The following CELF3 variants were observed in gnomAD, a reference collection of about 807,000 sequenced individuals.
The protein encoded by CELF3 is CUGBP Elav-like family member 3, also known as CAG repeat domain.
CELF3 carries 26 observed loss-of-function variants against 59.6 expected under a neutral mutation model. The ratio of observed to expected loss-of-function variants is 0.44; its 90% confidence interval spans 0.32 to 0.61. CELF3 has a LOEUF of 0.61. Among genes scored for constraint, CELF3 ranks in the 20% least tolerant of loss-of-function variants. The probability of loss-of-function intolerance (pLI) is 0.06; values close to 1 mark genes in which losing one functional copy is unlikely to be tolerated. For missense variants in CELF3, 387 were observed against 627.2 expected (o/e 0.62, Z 4.09); for synonymous variants, 245 against 250.7 (o/e 0.98, Z 0.22).
In CELF3 at chr1:151,702,794, C is replaced by CTG. The variant is rs1672178788; in HGVS notation, c.*663_*664dup. 1 of 196,910 alleles carries CTG rather than the reference C, an allele frequency of 5.1e-6. No homozygotes were observed. Among genetic ancestry groups the CTG allele is most frequent in the Non-Finnish European group, 1.1e-5 (1 of 93,298 alleles). 12.2% of individuals were successfully genotyped at this position (196,910 alleles called of 1,614,324 possible). ...TTTACACAGAGGGAACCAGCAGAGA[C>CTG]TGTAAACATTTTTAGGGGTTCAGGG... On this transcript the variant is annotated 3_prime_UTR_variant, in exon 13 of 13. Transcript: ENST00000290583.
At position 151,714,956 on chromosome 1, in the gene CELF3, A is replaced by C. The variant is rs74632301; in HGVS notation, c.146-280T>G. On this transcript the variant is annotated intron_variant, in intron 1 of 12. Coordinates refer to ENST00000290583, the MANE Select transcript of CELF3 (RefSeq NM_007185.7). The stretch of plus-strand genomic sequence containing the variant: ...GAGAGAAGGACCATGTGACCGCCAG[A>C]CAAGTAAGAGTAGTGTGGCTTTCTC... 3.4e-4 allele frequency among the ~76,000 whole-genome samples: 52 copies of C among 151,910 alleles called. No individual in the cohort carries two copies. The East Asian group carries it at 8.2e-3, about 24-fold the overall frequency.
intron 12 of CELF3, 126 bp downstream of exon 12, chr1:151,704,905 G>A: frequency 9.5e-7 from 1 of 1,049,980 alleles, no homozygotes; most frequent in Non-Finnish European, 1.4e-6. Context: ...CAAGTGCCCA[G>A]GGTCAAGGGT....
rs907737857 is a variant in CELF3 at position 151,702,151 on chromosome 1, C to G, written c.*1308G>C. Among the ~76,000 whole-genome samples the G allele has an allele frequency of 1.3e-5, 2 of 152,206 alleles. No homozygotes were observed. The highest frequency in any genetic ancestry group is 2.9e-5 in the Non-Finnish European group (2 of 68,030). On this transcript the variant is annotated 3_prime_UTR_variant, in exon 13 of 13. Transcript: ENST00000290583. Reference sequence around the variant, plus strand: ...GCCTTCAGAGGGACAGAGCTGGATACAGGGGAGAGCCCCCGACAGGGGAGA... The same window carrying G: ...GCCTTCAGAGGGACAGAGCTGGATAGAGGGGAGAGCCCCCGACAGGGGAGA...
In CELF3 at chr1:151,709,761, C is replaced by G; in HGVS notation, c.259G>C (p.Asp87His). 6.2e-7 allele frequency: 1 copy of G among 1,614,146 alleles called. No individual in the cohort carries two copies. The highest frequency in any genetic ancestry group is 1.1e-5 in the South Asian group (1 of 91,078). ...AACCTACCTCCTCGGCTCTCGCTGT[C>G]GGCTGGCTTGACCTGGATCGGCCTG... The part of the protein sequence containing the change: ...MNRPIQVKPA[D>H]SESRGEDRKL... The change falls in exon 3 of 13, where the codon GAC becomes CAC. Residue 87 changes from aspartate (D) to histidine (H), a missense_variant. By Grantham distance (81) the Asp-to-His change is moderately conservative. This residue lies in a region of CELF3 where 208 missense variants were observed against 354.8 expected (regional missense o/e 0.59). Coordinates refer to ENST00000290583, the MANE Select transcript of CELF3 (RefSeq NM_007185.7). This position sits in a 1 kb window ranked among gnomAD's most constrained non-coding sequence, Gnocchi z 4.9.
Position 151,709,518 on chromosome 1 carries a change from T to G in CELF3, c.278-170A>C. The G allele has an allele frequency of 6.7e-6, 7 of 1,050,850 alleles. No homozygotes were observed. The highest frequency in any genetic ancestry group is 9.9e-6 in the Non-Finnish European group (7 of 708,240). 65.1% of individuals were successfully genotyped at this position (1,050,850 alleles called of 1,614,324 possible). On this transcript the variant is annotated intron_variant, in intron 3 of 12. Transcript: ENST00000290583. This position sits in a 1 kb window ranked among gnomAD's most constrained non-coding sequence, Gnocchi z 4.9. ...GGGGTATAGTTGCAGAGGGTGCTCATCCCAGCTCTGAGGGACTCGCACTCC... is the reference window on the plus strand; with the variant it reads ...GGGGTATAGTTGCAGAGGGTGCTCAGCCCAGCTCTGAGGGACTCGCACTCC...
chr1:151,713,307 G>C (rs1673184602), intron 2 of CELF3, among the ~76,000 whole-genome samples: 1 of 152,182 alleles, frequency 6.6e-6, no homozygotes, highest in Admixed American at 6.5e-5. Context: ...AGCTCTGCCT[G>C]AGCTGCCAGG....
At position 151,703,075 on chromosome 1, in the gene CELF3, C is replaced by T. The variant is rs1305097607; in HGVS notation, c.*384G>A. On this transcript the variant is annotated 3_prime_UTR_variant, in exon 13 of 13. Transcript: ENST00000290583. The stretch of plus-strand genomic sequence containing the variant: ...GCTGGGAGTGTGTGGCAGGCCCCTG[C>T]GGCTCTCCTGGGGCCTGCACGGGTA... 9 of 428,664 alleles carry T rather than the reference C, an allele frequency of 2.1e-5. No individual in the cohort carries two copies. The highest frequency in any genetic ancestry group is 8.1e-5 in the African/African-American group (4 of 49,232). 26.6% of individuals were successfully genotyped at this position (428,664 alleles called of 1,614,324 possible).
Position 151,702,811 on chromosome 1 carries a change from G to T in CELF3, c.*648C>A. On this transcript the variant is annotated 3_prime_UTR_variant, in exon 13 of 13. Transcript: ENST00000290583. ...AGCAGAGACTGTAAACATTTTTAGGGGTTCAGGGGAAGGTCTTTTCCTCGT... is the reference window on the plus strand; with the variant it reads ...AGCAGAGACTGTAAACATTTTTAGGTGTTCAGGGGAAGGTCTTTTCCTCGT... 4.9e-6 allele frequency: 1 copy of T among 203,328 alleles called. No homozygotes were observed. Among genetic ancestry groups the T allele is most frequent in the Non-Finnish European group, 1.0e-5 (1 of 96,916 alleles). The allele number at this position is 203,328 out of a possible 1,614,324, so 12.6% of individuals were successfully genotyped here.
chr1:151,714,638 G>A lies in CELF3; in HGVS notation c.184C>T (p.Leu62=). 1 of 1,562,292 alleles carries A rather than the reference G, an allele frequency of 6.4e-7. No homozygotes were observed. ...TCGTGCAGGGCGCTCTGGGCCTTCA[G>A]GGCTGAATCCCGGGCACAGTATGTC... ...FLTYCARDSA[L]KAQSALHEQK... is the part of the protein sequence containing the mutation. Residue 62 remains leucine (L), a synonymous_variant, in exon 2 of 13, where the codon CTG becomes TTG. Transcript: ENST00000290583.
rs776792312 is a variant in CELF3, at chr1:151,709,094, G to A, written c.407-17C>T. 6.2e-7 allele frequency: 1 copy of A among 1,612,990 alleles called. No individual in the cohort carries two copies. The highest frequency in any genetic ancestry group is 8.5e-7 in the Non-Finnish European group (1 of 1,179,226). ...AGGCGCAGCCTGGAGAGGTTGAGAT[G>A]GAGGAGGAGAGGGGTAAGCACCCAT... On this transcript the variant is annotated splice_polypyrimidine_tract_variant and intron_variant, in intron 4 of 12. Coordinates refer to ENST00000290583, the MANE Select transcript of CELF3 (RefSeq NM_007185.7). This position sits in a 1 kb window ranked among gnomAD's most constrained non-coding sequence, Gnocchi z 4.9.
At chr1:151,704,040 C>G (rs949341391) in intron 12 of CELF3, among the ~76,000 whole-genome samples, 1 of 152,192 alleles carries the variant, frequency 6.6e-6, no homozygotes, top group African/African-American at 2.4e-5. Context: ...CGGCCCTGAC[C>G]TTGGGCTTGG....
At chr1:151,706,524 A>T in intron 9 of CELF3, 145 bp downstream of exon 9, 1 of 1,176,974 alleles carries the variant, frequency 8.5e-7, no homozygotes, top group Non-Finnish European at 1.2e-6. Flanking sequence ...CTGCCCTTAA[A>T]GACCCCTCCC....
rs1463648271 is a variant in CELF3, at chr1:151,702,202, C to T, written c.*1257G>A. On this transcript the variant is annotated 3_prime_UTR_variant, in exon 13 of 13. Transcript: ENST00000290583. ...TCTCCTTGTGCCGAACTCTGCAGGA[C>T]ATTCCAGAATTAAGCCCCAAAGAAG... Among the ~76,000 whole-genome samples the T allele has an allele frequency of 2.0e-5, 3 of 152,204 alleles. No individual in the cohort carries two copies. Among genetic ancestry groups the T allele is most frequent in the Non-Finnish European group, 2.9e-5 (2 of 68,036 alleles).
intron 1 of CELF3, among the ~76,000 whole-genome samples, chr1:151,715,216 T>A (rs1673375477): frequency 6.6e-6 from 1 of 151,866 alleles, no homozygotes; most frequent in Non-Finnish European, 1.5e-5. Flanking sequence ...GCCCCTGGGA[T>A]CCCCGGTGTG....
chr1:151,713,337 C>A (rs1673186865), intron 2 of CELF3: 1 of 152,212 alleles, frequency 6.6e-6, no homozygotes, highest in Admixed American at 6.5e-5. Flanking sequence ...GGGCACAGAC[C>A]TAGGGTGGAC....
intron 12 of CELF3, among the ~76,000 whole-genome samples, chr1:151,704,000 G>C (rs1208312741): frequency 6.6e-6 from 1 of 152,184 alleles, no homozygotes; most frequent in Non-Finnish European, 1.5e-5. Flanking sequence ...ACCAACCACT[G>C]TAGACCAAGC....
rs1672697395 is a variant in CELF3, at chr1:151,707,798, G to C, written c.624C>G (p.Thr208=). 1 of 1,612,900 alleles carries C rather than the reference G, an allele frequency of 6.2e-7. No homozygotes were observed. Among genetic ancestry groups the C allele is most frequent in the Non-Finnish European group, 8.5e-7 (1 of 1,179,234 alleles). ...ALQFGAYSAY[T]QALMQQQAAL... Reference sequence around the variant, plus strand: ...CATCAGGGGCAGTGCTCACGGCCTGGGTGTAGGCGCTGTAGGCTCCAAACT... The same window carrying C: ...CATCAGGGGCAGTGCTCACGGCCTGCGTGTAGGCGCTGTAGGCTCCAAACT... Residue 208 remains threonine, a synonymous_variant, in exon 6 of 13, where the codon ACC becomes ACG. Coordinates refer to ENST00000290583, the MANE Select transcript of CELF3 (RefSeq NM_007185.7).
chr1:151,707,750 G>A lies in CELF3; in HGVS notation c.630+42C>T, dbSNP rs770599936. 2.1e-5 allele frequency: 33 copies of A among 1,606,544 alleles called. No individual in the cohort carries two copies. In the Admixed American group the frequency reaches 2.8e-4, roughly 14 times the overall value. On this transcript the variant is annotated intron_variant, in intron 6 of 12. Coordinates refer to ENST00000290583, the MANE Select transcript of CELF3 (RefSeq NM_007185.7). The stretch of plus-strand genomic sequence containing the variant: ...ATCGGGAGGGTGGGGGCAAGATACA[G>A]GGGGTCAGGAGGGCTGGCCCGGCAT...
chr1:151,710,170 C>T, intron 2 of CELF3: 2 of 268,494 alleles, frequency 7.4e-6, no homozygotes, highest in Non-Finnish European at 7.3e-6. Context: ...GTGGGCGCAA[C>T]AGAGGCCACT....
Sources: gnomAD v4.1 joint callset for allele counts (sites outside exome capture counted in the v4.1 genomes callset) on GRCh38, gnomAD v4.1.1 for gene constraint, gnomAD v4.1.1 regional missense constraint, Gnocchi (gnomAD v3.1) non-coding constraint, MANE v1.5 for transcripts, NCBI Gene and HGNC (gene_info 2026-07-23, HGNC 2026-07-21) for gene names.